Variants in ZNF878 observed in about 807,000 individuals in gnomAD.
The protein encoded by ZNF878 is zinc finger protein 878.
In ZNF878, 10 loss-of-function variants were observed where a neutral mutation model predicts 11.1. The ratio of observed to expected loss-of-function variants is 0.90; its 90% CI spans 0.56 to 1.53. The LOEUF (loss-of-function observed/expected upper bound fraction) is 1.53, where lower values mean the gene tolerates loss of function less well. Among genes scored for constraint, ZNF878 ranks in the 40% most tolerant of loss-of-function variants. The probability of loss-of-function intolerance (pLI) is 0.00; values close to 1 mark genes in which losing one functional copy is unlikely to be tolerated. For synonymous variants in ZNF878, 165 were observed against 209.7 expected (o/e 0.79, Z 1.84); for missense variants, 548 against 626.1 (o/e 0.88, Z 1.33).
intron 1 of ZNF878, among the ~76,000 whole-genome samples, chr19:12,047,880 A>G (rs1405462173): frequency 6.6e-6 from 1 of 152,220 alleles, no homozygotes; most frequent in Non-Finnish European, 1.5e-5. Flanking sequence ...CATACACTCT[A>G]CTGGCATTAT....
chr19:12,048,853 GAAAAA>G (rs1975521872), intron 1 of ZNF878, among the ~76,000 whole-genome samples: 1 of 144,076 alleles, frequency 6.9e-6, no homozygotes, highest in Non-Finnish European at 1.5e-5. Flanking sequence ...AAAAAGAAAA[GAAAAA>G]GAAAAGAAAA....
chr19:12,045,251 T>C, intron 3 of ZNF878, 42 bp from the exon 4 acceptor site: 1 of 1,447,646 alleles, frequency 6.9e-7, no homozygotes, highest in African/African-American at 1.4e-5. Context: ...TTATCACTAA[T>C]TTTAATTCCT....
chr19:12,049,976 G>A (rs1165509894), intron 1 of ZNF878, among the ~76,000 whole-genome samples: 1 of 152,104 alleles, frequency 6.6e-6, no homozygotes, highest in African/African-American at 2.4e-5. Flanking sequence ...TGTAATCCCA[G>A]CACTGTGGGA....
chr19:12,047,767 G>A lies in ZNF878; in HGVS notation c.4-1007C>T, dbSNP rs187928026. ...GATGTCAGCAGTTCAAGACCAGCAT[G>A]ATCAATATGATGAAACCCTGTCTCT... On this transcript the variant is annotated intron_variant, in intron 1 of 3. Transcript: ENST00000547628. 3.3e-5 allele frequency among the ~76,000 whole-genome samples: 5 copies of A among 152,152 alleles called. No homozygotes were observed. In the East Asian group the frequency reaches 7.7e-4, roughly 24 times the overall value.
intron 1 of ZNF878, among the ~76,000 whole-genome samples, chr19:12,050,653 G>A (rs1282261469): frequency 2.6e-5 from 4 of 152,096 alleles, no homozygotes; most frequent in Non-Finnish European, 5.9e-5. Context: ...TATTTTAAAT[G>A]ACAAGCAAGT....
Position 12,044,250 on chromosome 19 carries a change from T to C in ZNF878, c.1151A>G (p.Tyr384Cys), listed in dbSNP as rs752353006. ...CTCTCCAGTGTGAGTCCTTTCATGATAGTGAAAGGAATTGGAAGAAGTGAA... is the reference window on the plus strand; with the variant it reads ...CTCTCCAGTGTGAGTCCTTTCATGACAGTGAAAGGAATTGGAAGAAGTGAA... ...KTFTSSNSFH[Y>C]HERTHTGEKP... Residue 384 changes from tyrosine (Y) to cysteine (C), a missense_variant, in exon 4 of 4, where the codon TAT becomes TGT. Around this residue, in one of 3 missense-constraint regions of ZNF878, gnomAD observed 335 missense variants for 358.2 expected, o/e 0.94. Transcript: ENST00000547628. 2.8e-5 allele frequency: 45 copies of C among 1,613,596 alleles called. No homozygotes were observed. The African/African-American group carries it at 4.7e-4, about 17-fold the overall frequency.
rs546392798 is a variant in ZNF878, at chr19:12,044,134, A to G, written c.1267T>C (p.Tyr423His). The G allele has an allele frequency of 8.7e-6, 14 of 1,613,812 alleles. No individual in the cohort carries two copies. Among genetic ancestry groups the G allele is most frequent in the Admixed American group, 3.3e-5 (2 of 59,980 alleles). ...HIRTHTGEKP[Y>H]GCKQCGKVFR... ...ACTTTACCACATTGCTTACATCCAT[A>G]GGGTTTCTCTCCTGTGTGAGTTCGT... The change falls in exon 4 of 4, where the codon TAT becomes CAT. Residue 423 changes from tyrosine (Y) to histidine (H), a missense_variant. Transcript: ENST00000547628.
rs1157770533 is a variant in ZNF878 at position 12,045,090 on chromosome 19, C to T, written c.311G>A (p.Ser104Asn). ...TATGCCGATTTCTCCACACACACTGCTTTCATATGATTGTACTCCAGGAGT... is the reference window on the plus strand; with the variant it reads ...TATGCCGATTTCTCCACACACACTGTTTTCATATGATTGTACTCCAGGAGT... ...KKTPGVQSYE[S>N]SVCGEIGIGL... is the part of the protein sequence containing the mutation. Residue 104 changes from serine (S) to asparagine (N), a missense_variant, in exon 4 of 4, where the codon AGC becomes AAC. Around this residue, in one of 3 missense-constraint regions of ZNF878, gnomAD observed 160 missense variants for 173.3 expected, o/e 0.92. Coordinates refer to ENST00000547628, the MANE Select transcript of ZNF878 (RefSeq NM_001080404.3). The T allele has an allele frequency of 1.1e-5, 18 of 1,613,546 alleles. No individual in the cohort carries two copies. The highest frequency in any genetic ancestry group is 2.2e-5 in the East Asian group (1 of 44,882).
intron 1 of ZNF878, among the ~76,000 whole-genome samples, chr19:12,049,483 A>AATAACAGG (rs1210243879): frequency 6.7e-6 from 1 of 149,428 alleles, no homozygotes; most frequent in Non-Finnish European, 1.5e-5. Flanking sequence ...AAAAAAAAAG[A>AATAACAGG]ATAACAGGCC....
chr19:12,045,790 C>T (rs1232323661), intron 3 of ZNF878, among the ~76,000 whole-genome samples: 2 of 151,930 alleles, frequency 1.3e-5, no homozygotes, highest in Admixed American at 1.3e-4. Flanking sequence ...GCAGTGGCAC[C>T]ATCCTGGCTC....
chr19:12,045,720 CTTTATTTA>C (rs540524357), intron 3 of ZNF878, among the ~76,000 whole-genome samples: 1 of 151,804 alleles, frequency 6.6e-6, no homozygotes, highest in Non-Finnish European at 1.5e-5. Flanking sequence ...ATTTTAAATG[CTTTATTTA>C]TTTATTTATT....
intron 1 of ZNF878, among the ~76,000 whole-genome samples, chr19:12,049,530 G>C (rs2145527005): frequency 7.1e-6 from 1 of 141,496 alleles, no homozygotes; most frequent in South Asian, 2.3e-4. Context: ...CCAACACTTT[G>C]GGAAGCCAAG....
Position 12,043,992 on chromosome 19 carries a change from TTA to T in ZNF878, c.1407_1408del (p.His469GlnfsTer11). ...GGGTTTCTCTCCAGTGTGAGTCCTTTTATGATAGCGAATAGAATTAGAAGAAA... is the reference window on the plus strand; with the variant it reads ...GGGTTTCTCTCCAGTGTGAGTCCTTTTGATAGCGAATAGAATTAGAAGAAA... On this transcript the variant is annotated frameshift_variant, in exon 4 of 4. Coordinates refer to ENST00000547628, the MANE Select transcript of ZNF878 (RefSeq NM_001080404.3). LOFTEE classifies it low-confidence loss of function (END_TRUNC). The T allele has an allele frequency of 6.8e-6, 11 of 1,610,714 alleles. No homozygotes were observed. The highest frequency in any genetic ancestry group is 1.1e-5 in the South Asian group (1 of 90,842).
At chr19:12,049,220 C>T (rs552907146) in intron 1 of ZNF878, among the ~76,000 whole-genome samples, 1 of 150,718 alleles carries the variant, frequency 6.6e-6, no homozygotes, top group Non-Finnish European at 1.5e-5. Context: ...TCTGTAATTC[C>T]AGCACTTTGG....
intron 1 of ZNF878, among the ~76,000 whole-genome samples, chr19:12,048,171 TAA>T (rs1218515127): frequency 6.6e-6 from 1 of 152,146 alleles, no homozygotes; most frequent in Non-Finnish European, 1.5e-5. Flanking sequence ...ATTGCAATAC[TAA>T]GTTACTGGAA....
At chr19:12,047,039 C>T (rs1428501320) in intron 1 of ZNF878, among the ~76,000 whole-genome samples, 2 of 152,046 alleles carry the variant, frequency 1.3e-5, no homozygotes, top group Non-Finnish European at 2.9e-5. Context: ...GCCTGGACTG[C>T]CCTTAATGTC....
chr19:12,048,497 G>A (rs1331024102), intron 1 of ZNF878, among the ~76,000 whole-genome samples: 6 of 145,156 alleles, frequency 4.1e-5, no homozygotes, highest in Non-Finnish European at 7.5e-5. Context: ...CAGCCTGGGC[G>A]ACTGAACGAG....
At chr19:12,050,680 C>T (rs1202836131) in intron 1 of ZNF878, among the ~76,000 whole-genome samples, 1 of 152,162 alleles carries the variant, frequency 6.6e-6, no homozygotes, top group Non-Finnish European at 1.5e-5. Context: ...AGACCCCTTC[C>T]CTCTTAAGGA....
chr19:12,044,444 T>G lies in ZNF878; in HGVS notation c.957A>C (p.Gly319=). 2.5e-6 allele frequency: 4 copies of G among 1,610,822 alleles called. No individual in the cohort carries two copies. Among genetic ancestry groups the G allele is most frequent in the Non-Finnish European group, 3.4e-6 (4 of 1,178,990 alleles). ...AGCGAAAGGAAGTGGAAGAAATAAATCCCTTACCACATAGCTTACACTCAT... is the reference window on the plus strand; with the variant it reads ...AGCGAAAGGAAGTGGAAGAAATAAAGCCCTTACCACATAGCTTACACTCAT... ...KPYECKLCGK[G]FISSTSFRYH... Residue 319 remains glycine (G), a synonymous_variant, in exon 4 of 4, where the codon GGA becomes GGC. Coordinates refer to ENST00000547628, the MANE Select transcript of ZNF878 (RefSeq NM_001080404.3).
Sources: allele counts gnomAD v4.1 joint callset (sites outside exome capture counted in the v4.1 genomes callset), GRCh38; gene constraint gnomAD v4.1.1; regional missense constraint gnomAD v4.1.1; transcripts MANE v1.5; gene names NCBI Gene and HGNC (gene_info 2026-07-23, HGNC 2026-07-21).